Variants in PARD3 observed in about 807,000 individuals in gnomAD.
PARD3 encodes partitioning defective 3 homolog.
PARD3 carries 75 observed loss-of-function variants against 155.4 expected under a neutral mutation model. The observed-to-expected ratio is 0.48, with a 90% CI of 0.40 to 0.58. The LOEUF (loss-of-function observed/expected upper bound fraction) is 0.58, where lower values mean the gene tolerates loss of function less well. Ranked by LOEUF, PARD3 falls within the 20% of genes least tolerant of loss-of-function variation. PARD3 has a pLI of 0.00. For missense variants in PARD3, 1,642 were observed against 1,721.7 expected (o/e 0.95, Z 0.82); for synonymous variants, 576 against 610.5 (o/e 0.94, Z 0.83).
intron 15 of PARD3, chr10:34,344,117 G>A (rs1313749464): frequency 2.4e-5 from 23 of 975,852 alleles, no homozygotes; most frequent in African/African-American, 3.5e-5. Context: ...TTTCAGTTTT[G>A]TTTTAAAAAG....
chr10:34,815,159 G>A lies in PARD3; in HGVS notation c.-164C>T. On this transcript the variant is annotated 5_prime_UTR_variant, in exon 1 of 25. An upstream open reading frame in the 5' UTR gains an earlier in-frame stop. Coordinates refer to ENST00000374788, the MANE Select transcript of PARD3 (RefSeq NM_001184785.2). ...GCGACGCCGGGGGGCCGCTCAGCTC[G>A]CATGCCCGGCCCGGCCGCCCTCGCC... 1 of 189,874 alleles carries A rather than the reference G, an allele frequency of 5.3e-6. No homozygotes were observed. Among genetic ancestry groups the A allele is most frequent in the Non-Finnish European group, 9.8e-6 (1 of 101,730 alleles). 11.8% of individuals were successfully genotyped at this position (189,874 alleles called of 1,614,324 possible). A position where few individuals can be genotyped will look rare whatever the true frequency, so the allele number is the denominator to read the frequency against.
intron 24 of PARD3, among the ~76,000 whole-genome samples, chr10:34,118,571 C>A (rs1219453641): frequency 6.6e-6 from 1 of 152,076 alleles, no homozygotes; most frequent in Non-Finnish European, 1.5e-5. Flanking sequence ...GTCTCGAACT[C>A]CTGGGCTCAA....
chr10:34,435,203 A>G (rs978758674), intron 5 of PARD3, among the ~76,000 whole-genome samples: 1 of 152,234 alleles, frequency 6.6e-6, no homozygotes, highest in Non-Finnish European at 1.5e-5. Flanking sequence ...GGAAAAAAAA[A>G]GGAAGTCACT....
At chr10:34,378,959 G>A (rs1841545420) in intron 9 of PARD3, among the ~76,000 whole-genome samples, 1 of 152,130 alleles carries the variant, frequency 6.6e-6, no homozygotes, top group African/African-American at 2.4e-5. Context: ...GACGCAAGAA[G>A]CCAACACGTG....
intron 13 of PARD3, among the ~76,000 whole-genome samples, chr10:34,359,731 G>C (rs1554838407): frequency 6.6e-6 from 1 of 152,138 alleles, no homozygotes; most frequent in Non-Finnish European, 1.5e-5. Context: ...CTGAGAAATA[G>C]AGTAAGTGAC....
chr10:34,675,071 T>C (rs1049103424), intron 2 of PARD3, among the ~76,000 whole-genome samples: 1 of 152,160 alleles, frequency 6.6e-6, no homozygotes, highest in Non-Finnish European at 1.5e-5. Context: ...CTCAAGGCCT[T>C]ACAAGATCAA....
intron 2 of PARD3, among the ~76,000 whole-genome samples, chr10:34,694,893 T>G (rs1342486021): frequency 6.6e-6 from 1 of 152,100 alleles, no homozygotes; most frequent in Non-Finnish European, 1.5e-5. Flanking sequence ...GGAATATAGG[T>G]GTGAACAAGA....
intron 2 of PARD3, among the ~76,000 whole-genome samples, chr10:34,556,790 C>G (rs1238939021): frequency 6.6e-6 from 1 of 152,148 alleles, no homozygotes; most frequent in African/African-American, 2.4e-5. Context: ...TCACATAAAA[C>G]CACACAAACC....
intron 2 of PARD3, among the ~76,000 whole-genome samples, chr10:34,541,930 G>A (rs2083637178): frequency 6.6e-6 from 1 of 152,056 alleles, no homozygotes; most frequent in Non-Finnish European, 1.5e-5. Flanking sequence ...AGGCTGGAGT[G>A]CAGTGGCATG....
chr10:34,639,194 A>C (rs548127795), intron 2 of PARD3, among the ~76,000 whole-genome samples: 91 of 152,104 alleles, frequency 6.0e-4, no homozygotes, highest in African/African-American at 2.1e-3. Flanking sequence ...TCAGGAGTTC[A>C]AGACCAGCCT....
At chr10:34,476,224 T>C (rs2078695206) in intron 3 of PARD3, among the ~76,000 whole-genome samples, 1 of 152,206 alleles carries the variant, frequency 6.6e-6, no homozygotes, top group South Asian at 2.1e-4. Flanking sequence ...TGTTAAATTG[T>C]ATATTAAAGT....
At chr10:34,196,013 A>C (rs1950916333) in intron 22 of PARD3, among the ~76,000 whole-genome samples, 2 of 152,230 alleles carry the variant, frequency 1.3e-5, no homozygotes, top group African/African-American at 4.8e-5. Flanking sequence ...GCATTCAAGA[A>C]ATATTAGCTA....
chr10:34,195,739 A>C (rs1221223018), intron 22 of PARD3, among the ~76,000 whole-genome samples: 1 of 152,232 alleles, frequency 6.6e-6, no homozygotes, highest in African/African-American at 2.4e-5. Context: ...GGATGGGCAC[A>C]AACATCCCAA....
intron 3 of PARD3, among the ~76,000 whole-genome samples, chr10:34,492,614 C>T (rs777471858): frequency 6.6e-6 from 1 of 152,200 alleles, no homozygotes; most frequent in Non-Finnish European, 1.5e-5. Context: ...AAATGTCCTA[C>T]CACATGGCTA....
intron 21 of PARD3, 94 bp from the exon 22 acceptor site, chr10:34,269,993 T>C (rs1454629656): frequency 8.0e-7 from 1 of 1,248,134 alleles, no homozygotes; most frequent in Non-Finnish European, 1.1e-6. Context: ...GTAAAATATA[T>C]TTGATTTCTT....
At chr10:34,793,713 G>A (rs1312848494) in intron 1 of PARD3, among the ~76,000 whole-genome samples, 1 of 151,966 alleles carries the variant, frequency 6.6e-6, no homozygotes, top group African/African-American at 2.4e-5. Context: ...TTGAACCTGG[G>A]AGGCGGAGGT....
chr10:34,676,240 G>A (rs185725981), intron 2 of PARD3, among the ~76,000 whole-genome samples: 29 of 152,176 alleles, frequency 1.9e-4, no homozygotes, highest in Non-Finnish European at 3.2e-4. Flanking sequence ...TGTTTTCTAC[G>A]GAAACCTTAC....
At chr10:34,363,477 A>G (rs1336091330) in intron 12 of PARD3, among the ~76,000 whole-genome samples, 1 of 152,220 alleles carries the variant, frequency 6.6e-6, no homozygotes. Flanking sequence ...TGACATAGAC[A>G]GAAATTAATG....
rs1564594678 is a variant in PARD3 at position 34,331,360 on chromosome 10, G to A, written c.2606-16C>T. On this transcript the variant is annotated splice_polypyrimidine_tract_variant and intron_variant, in intron 18 of 24. Coordinates refer to ENST00000374788, the MANE Select transcript of PARD3 (RefSeq NM_001184785.2). ...CTGGGAGAACCTGGGAGGTTTACAA[G>A]AAAAAAAATGTTAGTGTGAATTAGT... 7 of 1,552,876 alleles carry A rather than the reference G, an allele frequency of 4.5e-6. No individual in the cohort carries two copies. In the Admixed American group the frequency reaches 8.8e-5, roughly 19 times the overall value.
Sources: gnomAD v4.1 joint callset for allele counts (sites outside exome capture counted in the v4.1 genomes callset) on GRCh38, gnomAD v4.1.1 for gene constraint, MANE v1.5 for transcripts, NCBI Gene and HGNC (gene_info 2026-07-23, HGNC 2026-07-21) for gene names.